Variants in ARID5B observed in about 807,000 individuals in gnomAD.
ARID5B encodes AT-rich interactive domain-containing protein 5B.
ARID5B carries 13 observed loss-of-function variants against 97.2 expected under a neutral mutation model. The observed-to-expected ratio is 0.13, with a 90% CI of 0.09 to 0.21. The LOEUF is 0.21. Among genes scored for constraint, ARID5B ranks in the 10% least tolerant of loss-of-function variants. The pLI, the probability that ARID5B is intolerant of heterozygous loss-of-function variation, is 1.00. For missense variants in ARID5B, 1,210 were observed against 1,465.3 expected, an observed-to-expected ratio of 0.83 and a Z score of 2.84; for synonymous variants, 556 against 570.3, an observed-to-expected ratio of 0.97 and a Z score of 0.36.
chr10:62,024,981 A>G (rs1212168004), intron 4 of ARID5B: 4 of 250,664 alleles, frequency 1.6e-5, no homozygotes, highest in Admixed American at 5.5e-5. Context: ...TTGCAGGTTA[A>G]GTATAATTCG....
chr10:61,960,085 C>T (rs892235045), intron 3 of ARID5B, among the ~76,000 whole-genome samples: 1 of 152,042 alleles, frequency 6.6e-6, no homozygotes, highest in Non-Finnish European at 1.5e-5. Flanking sequence ...TGGTGGGTTT[C>T]CTCTTTCAGA....
chr10:62,092,988 A>G lies in ARID5B; in HGVS notation c.3525A>G (p.Pro1175=). 2 of 1,613,272 alleles carry G rather than the reference A, an allele frequency of 1.2e-6. No homozygotes were observed. Among genetic ancestry groups the G allele is most frequent in the Non-Finnish European group, 8.5e-7 (1 of 1,179,874 alleles). Residue 1175 remains proline, a synonymous_variant, in exon 10 of 10, where the codon CCA becomes CCG. Coordinates refer to ENST00000279873, the MANE Select transcript of ARID5B (RefSeq NM_032199.3). ...CTATAAATCCTCAAGCTGCCTTTCC[A>G]TCTTCCCAGCTGTCATCCGTGCACC... is the stretch of plus-strand genomic sequence containing the variant. ...LAAINPQAAF[P]SSQLSSVHPS... is the part of the protein sequence containing the mutation.
intron 2 of ARID5B, among the ~76,000 whole-genome samples, chr10:61,912,092 A>C (rs1035420719): frequency 6.6e-6 from 1 of 152,222 alleles, no homozygotes; most frequent in Non-Finnish European, 1.5e-5. Context: ...GTTCTATTGT[A>C]TTTGAAAAGC....
At chr10:62,011,700 CA>C (rs1354636021) in intron 4 of ARID5B, among the ~76,000 whole-genome samples, 1 of 152,236 alleles carries the variant, frequency 6.6e-6, no homozygotes, top group Non-Finnish European at 1.5e-5. Context: ...GGCCTCTGCA[CA>C]ACTCTGTAGA....
intron 8 of ARID5B, among the ~76,000 whole-genome samples, chr10:62,078,404 A>T (rs916479122): frequency 6.6e-6 from 1 of 152,240 alleles, no homozygotes; most frequent in Non-Finnish European, 1.5e-5. Flanking sequence ...TGGGAAGATC[A>T]TCTGAGTCCA....
intron 4 of ARID5B, among the ~76,000 whole-genome samples, chr10:62,009,297 G>A (rs1295998961): frequency 6.6e-6 from 1 of 152,184 alleles, no homozygotes; most frequent in South Asian, 2.1e-4. Context: ...GTGTTCAGCA[G>A]AAGAAGATTG....
intron 6 of ARID5B, 94 bp from the exon 7 acceptor site, chr10:62,059,147 TTC>T (rs1839891898): frequency 7.7e-6 from 8 of 1,032,432 alleles, no homozygotes; most frequent in South Asian, 1.6e-5. Flanking sequence ...ATTTCTTTTT[TTC>T]TCTTTCTCGT....
At position 61,933,195 on chromosome 10, in the gene ARID5B, A is replaced by C. The variant is rs188043850; in HGVS notation, c.277-6988A>C. On this transcript the variant is annotated intron_variant, in intron 2 of 9. Transcript: ENST00000279873. ...GAAGTAGCTCCTCTTCATCTGTTCAAGTTTAGTCATGAGATTGCAGCAATT... is the reference window on the plus strand; with the variant it reads ...GAAGTAGCTCCTCTTCATCTGTTCACGTTTAGTCATGAGATTGCAGCAATT... Among the ~76,000 whole-genome samples, 5 of 152,384 alleles carry C rather than the reference A, an allele frequency of 3.3e-5. 1 individual carries two copies. The highest frequency in any genetic ancestry group is 3.3e-4 in the Admixed American group (5 of 15,310).
In ARID5B at chr10:62,093,152, C is replaced by A; in HGVS notation, c.*122C>A. ...TCTAATCTGAGGCTATGATCAGTCC[C>A]AGCTGTAGGGGCCCAGAGGGGAGGT... On this transcript the variant is annotated 3_prime_UTR_variant, in exon 10 of 10. Transcript: ENST00000279873. 1 of 1,418,898 alleles carries A rather than the reference C, an allele frequency of 7.0e-7. No individual in the cohort carries two copies. Among genetic ancestry groups the A allele is most frequent in the African/African-American group, 1.4e-5 (1 of 69,926 alleles). The allele number at this position is 1,418,898 out of a possible 1,614,324, so 87.9% of individuals were successfully genotyped here. A position where few individuals can be genotyped will look rare whatever the true frequency, so the allele number is the denominator to read the frequency against.
chr10:61,915,972 T>G (rs1001137451), intron 2 of ARID5B, among the ~76,000 whole-genome samples: 2 of 152,156 alleles, frequency 1.3e-5, no homozygotes, highest in African/African-American at 2.4e-5. Flanking sequence ...GTCAGGCAGG[T>G]CTTGAACTCC....
At chr10:62,088,653 G>C (rs1481148181) in intron 9 of ARID5B, among the ~76,000 whole-genome samples, 1 of 152,174 alleles carries the variant, frequency 6.6e-6, no homozygotes, top group African/African-American at 2.4e-5. Flanking sequence ...CCTCTCCAAG[G>C]TTGACCTTAT....
At chr10:61,975,513 T>G (rs976583896) in intron 3 of ARID5B, among the ~76,000 whole-genome samples, 4 of 151,934 alleles carry the variant, frequency 2.6e-5, no homozygotes, top group Non-Finnish European at 5.9e-5. Flanking sequence ...ATTTACCAGC[T>G]GAGTCATCCT....
At chr10:61,919,206 A>G (rs2132767771) in intron 2 of ARID5B, among the ~76,000 whole-genome samples, 1 of 152,278 alleles carries the variant, frequency 6.6e-6, no homozygotes, top group East Asian at 1.9e-4. Flanking sequence ...TGATGCAACC[A>G]TCAGGAAACC....
At chr10:62,020,395 A>G (rs1839340566) in intron 4 of ARID5B, among the ~76,000 whole-genome samples, 1 of 152,226 alleles carries the variant, frequency 6.6e-6, no homozygotes, top group Admixed American at 6.5e-5. Context: ...GGCATAAAAT[A>G]ATGATCAAAG....
chr10:62,064,627 C>A (rs977545849), intron 7 of ARID5B, among the ~76,000 whole-genome samples: 4 of 151,872 alleles, frequency 2.6e-5, no homozygotes, highest in African/African-American at 9.7e-5. Context: ...TCCAATAAAA[C>A]TGTGGAAGGG....
intron 3 of ARID5B, among the ~76,000 whole-genome samples, chr10:61,985,973 A>G (rs1010951466): frequency 6.6e-5 from 10 of 152,150 alleles, no homozygotes; most frequent in Non-Finnish European, 1.5e-4. Context: ...CAAGACTGGA[A>G]GAGATTCTTT....
intron 2 of ARID5B, among the ~76,000 whole-genome samples, chr10:61,932,110 G>A (rs375948524): frequency 1.5e-4 from 23 of 152,172 alleles, no homozygotes; most frequent in African/African-American, 5.1e-4. Context: ...AATGAATATC[G>A]CAATAAAGCT....
chr10:61,923,106 C>T (rs1844045874), intron 2 of ARID5B, among the ~76,000 whole-genome samples: 1 of 152,122 alleles, frequency 6.6e-6, no homozygotes, highest in Admixed American at 6.6e-5. Flanking sequence ...GAGGAGCATG[C>T]ATCAGCAGTA....
intron 3 of ARID5B, among the ~76,000 whole-genome samples, chr10:61,967,562 T>C (rs1002474186): frequency 4.6e-5 from 7 of 152,214 alleles, no homozygotes; most frequent in Non-Finnish European, 7.3e-5. Context: ...AAAAGTTCTT[T>C]TCTTGCATCC....
Sources: gnomAD v4.1 joint callset for allele counts (sites outside exome capture counted in the v4.1 genomes callset) on GRCh38, gnomAD v4.1.1 for gene constraint, MANE v1.5 for transcripts, NCBI Gene and HGNC (gene_info 2026-07-23, HGNC 2026-07-21) for gene names.